MYH8: variants seen among roughly 807,000 people sequenced by gnomAD.
MYH8 encodes myosin heavy chain 8, also known as myosin-8.
In MYH8, 168 loss-of-function variants were observed where a neutral mutation model predicts 233.2. That is an observed-to-expected ratio of 0.72 (90% CI 0.64 to 0.82). MYH8 has a LOEUF of 0.82. Ranked by LOEUF, MYH8 falls within the 40% of genes least tolerant of loss-of-function variation. The probability of loss-of-function intolerance (pLI) is 0.00; values close to 1 mark genes in which losing one functional copy is unlikely to be tolerated. For missense variants in MYH8, 1,995 were observed against 2,327.8 expected (o/e 0.86, Z 2.94); for synonymous variants, 785 against 850.6 (o/e 0.92, Z 1.34).
rs1430213634 is a variant in MYH8 at position 10,400,027 on chromosome 17, C to A, written c.3736-358G>T. Among the ~76,000 whole-genome samples the A allele has an allele frequency of 6.6e-6, 1 of 152,124 alleles. No homozygotes were observed. The highest frequency in any genetic ancestry group is 1.5e-5 in the Non-Finnish European group (1 of 68,018). ...GAGCATCCTGGCTAACACGGTGAAA[C>A]CCCGTCTCTACTAAAAATACAAAAA... On this transcript the variant is annotated intron_variant, in intron 27 of 39. Transcript: ENST00000403437. The surrounding 1 kb of genome is among the most constrained non-coding windows in gnomAD (Gnocchi z 4.0).
chr17:10,406,443 A>G (rs777152849), intron 19 of MYH8, 46 bp from the exon 20 acceptor site: 1 of 1,612,708 alleles, frequency 6.2e-7, no homozygotes, highest in Non-Finnish European at 8.5e-7. Flanking sequence ...ATGTGACCAC[A>G]TGCCAACAAA....
Position 10,401,140 on chromosome 17 carries a change from C to A in MYH8, c.3160G>T (p.Ala1054Ser). 1 of 1,614,146 alleles carries A rather than the reference C, an allele frequency of 6.2e-7. No homozygotes were observed. The highest frequency in any genetic ancestry group is 8.5e-7 in the Non-Finnish European group (1 of 1,180,014). The change falls in exon 25 of 40, where the codon GCA becomes TCA. Residue 1054 changes from alanine (A) to serine (S), a missense_variant. Physicochemically the swap from Ala to Ser is moderately conservative, Grantham distance 99. Coordinates refer to ENST00000403437, the MANE Select transcript of MYH8 (RefSeq NM_002472.3). ...EKKLRMDLER[A>S]KRKLEGDLKL... ...AGGTCACCCTCCAGTTTCCGCTTTG[C>A]TCTTTCTAGATCCATTCGAAGCTTC...
rs914309209 is a variant in MYH8, at chr17:10,396,209, A to G, written c.4653+121T>C. 4 of 1,176,882 alleles carry G rather than the reference A, an allele frequency of 3.4e-6. No individual in the cohort carries two copies. The highest frequency in any genetic ancestry group is 4.2e-5 in the Admixed American group (2 of 47,342). 72.9% of individuals were successfully genotyped at this position (1,176,882 alleles called of 1,614,324 possible). A position where few individuals can be genotyped will look rare whatever the true frequency, so the allele number is the denominator to read the frequency against. The stretch of plus-strand genomic sequence containing the variant: ...AGTATTTACATTTTTAAGGATTTTG[A>G]TAACTATTGCCAAGTTGTCCTTCAT... On this transcript the variant is annotated intron_variant, in intron 33 of 39. Transcript: ENST00000403437. This position sits in a 1 kb window ranked among gnomAD's most constrained non-coding sequence, Gnocchi z 4.2.
Position 10,404,395 on chromosome 17 carries a change from C to T in MYH8, c.2623G>A (p.Glu875Lys), listed in dbSNP as rs376614320. The change falls in exon 22 of 40, where the codon GAG becomes AAG. Residue 875 changes from glutamate to lysine, a missense_variant. Around this residue, in one of 3 missense-constraint regions of MYH8, gnomAD observed 1,498 missense variants for 1,680.9 expected, o/e 0.89. Coordinates refer to ENST00000403437, the MANE Select transcript of MYH8 (RefSeq NM_002472.3). ...ELAKSEAKRK[E>K]LEEKMVTLLK... is the part of the protein sequence containing the mutation. ...AGAGTGACCATTTTTTCCTCTAGCT[C>T]CTTCCGTTTTGCCTCTGACTTGGCG... 81 of 1,613,664 alleles carry T rather than the reference C, an allele frequency of 5.0e-5. No individual in the cohort carries two copies. The highest frequency in any genetic ancestry group is 6.2e-5 in the Non-Finnish European group (73 of 1,179,880).
intron 27 of MYH8, 110 bp from the exon 28 acceptor site, chr17:10,399,779 A>G: frequency 6.8e-7 from 1 of 1,471,894 alleles, no homozygotes; most frequent in South Asian, 1.2e-5. Context: ...GTGTGAGTAG[A>G]AAGTTAGGAC....
chr17:10,414,486 T>C lies in MYH8; in HGVS notation c.806-2A>G, dbSNP rs748711858. The C allele has an allele frequency of 6.3e-7, 1 of 1,586,904 alleles. No individual in the cohort carries two copies. On this transcript the variant is annotated splice_acceptor_variant, in intron 9 of 39. Coordinates refer to ENST00000403437, the MANE Select transcript of MYH8 (RefSeq NM_002472.3). LOFTEE classifies it high-confidence loss of function. ...TAACTCTGGACTTTTCTAAAAGATC[T>C]GGAGAGGGAAATAGATATCGAGTTT...
rs554889827 is a variant in MYH8 at position 10,406,595 on chromosome 17, T to G, written c.2171+95A>C. 10 of 1,359,082 alleles carry G rather than the reference T, an allele frequency of 7.4e-6. No individual in the cohort carries two copies. In the African/African-American group the frequency reaches 1.4e-4, roughly 19 times the overall value. 84.2% of individuals were successfully genotyped at this position (1,359,082 alleles called of 1,614,324 possible). A position where few individuals can be genotyped will look rare whatever the true frequency, so the allele number is the denominator to read the frequency against. On this transcript the variant is annotated intron_variant, in intron 19 of 39. Transcript: ENST00000403437. ...CCTGTTATCCTTCTAACCTGTTGTA[T>G]TATCCTACCACCACAAGACTATATT...
chr17:10,403,872 C>T (rs1439413328), intron 22 of MYH8, among the ~76,000 whole-genome samples: 5 of 152,102 alleles, frequency 3.3e-5, no homozygotes, highest in Non-Finnish European at 7.4e-5. Context: ...GCCTGACATG[C>T]TGGTAGTTCA....
In MYH8 at chr17:10,409,508, A is replaced by C. The variant is rs762049118; in HGVS notation, c.1668T>G (p.Tyr556Ter). 6.2e-7 allele frequency: 1 copy of C among 1,614,228 alleles called. No homozygotes were observed. Among genetic ancestry groups the C allele is most frequent in the South Asian group, 1.1e-5 (1 of 91,082 alleles). ...TGGCAGACTTGCCCAGGTGCTGGTC[A>C]TACAGCTTGTTCTTGAAGGAGGTGT... ...ATDTSFKNKLYDQHLGKSANF... is the reference protein window; with the variant it reads ...ATDTSFKNKL The change falls in exon 16 of 40, where the codon TAT becomes TAG. Residue 556 changes from tyrosine to a stop codon, truncating the protein, a stop_gained. Coordinates refer to ENST00000403437, the MANE Select transcript of MYH8 (RefSeq NM_002472.3). LOFTEE classifies it high-confidence loss of function.
chr17:10,393,116 G>A lies in MYH8; in HGVS notation c.5261C>T (p.Ala1754Val). ...VEEVIQESRN[A>V]EEKAKKAITD... ...GATGGCCTTCTTGGCTTTCTCTTCT[G>A]CATTGCGTGATTCTTGGATTACTTC... The change falls in exon 36 of 40, where the codon GCA (alanine) becomes GTA (valine). Residue 1754 changes from alanine (A) to valine (V), a missense_variant. Ala to Val is a moderately conservative substitution (Grantham distance 64, BLOSUM62 0). Coordinates refer to ENST00000403437, the MANE Select transcript of MYH8 (RefSeq NM_002472.3). 2.5e-6 allele frequency: 4 copies of A among 1,614,192 alleles called. No homozygotes were observed. The highest frequency in any genetic ancestry group is 3.4e-6 in the Non-Finnish European group (4 of 1,180,040).
rs775743596 is a variant in MYH8, at chr17:10,412,424, C to T, written c.1362G>A (p.Gln454=). Residue 454 remains glutamine, a synonymous_variant, in exon 14 of 40, where the codon CAG becomes CAA. Transcript: ENST00000403437. Reference sequence around the variant, plus strand: ...AGACCCCGATGAAGTACTGCCTGGGCTGCTTGGTGTCCAGCTGCTGGTTGA... The same window carrying T: ...AGACCCCGATGAAGTACTGCCTGGGTTGCTTGGTGTCCAGCTGCTGGTTGA... ...TRINQQLDTK[Q]PRQYFIGVLD... is the part of the protein sequence containing the mutation. The T allele has an allele frequency of 1.4e-5, 22 of 1,614,242 alleles. No homozygotes were observed. The South Asian group carries it at 2.0e-4, about 14-fold the overall frequency.
rs1352319974 is a variant in MYH8 at position 10,406,634 on chromosome 17, AT to A, written c.2171+55del. 3.3e-6 allele frequency: 5 copies of A among 1,513,896 alleles called. No individual in the cohort carries two copies. The African/African-American group carries it at 6.9e-5, about 21-fold the overall frequency. The allele number at this position is 1,513,896 out of a possible 1,614,324, so 93.8% of individuals were successfully genotyped here. A position where few individuals can be genotyped will look rare whatever the true frequency, so the allele number is the denominator to read the frequency against. On this transcript the variant is annotated intron_variant, in intron 19 of 39. Coordinates refer to ENST00000403437, the MANE Select transcript of MYH8 (RefSeq NM_002472.3). ...CAAGACTATATTATTCGACTTCTTAATTTTTTAATACATACTAATTCACAGT... is the reference window on the plus strand; with the variant it reads ...CAAGACTATATTATTCGACTTCTTAATTTTTAATACATACTAATTCACAGT...
rs2142175383 is a variant in MYH8 at position 10,401,115 on chromosome 17, A to C, written c.3185T>G (p.Leu1062Arg). 1 of 1,614,124 alleles carries C rather than the reference A, an allele frequency of 6.2e-7. No homozygotes were observed. The highest frequency in any genetic ancestry group is 8.5e-7 in the Non-Finnish European group (1 of 1,180,020). Residue 1062 changes from leucine (L) to arginine (R), a missense_variant, in exon 25 of 40, where the codon CTC becomes CGC. Coordinates refer to ENST00000403437, the MANE Select transcript of MYH8 (RefSeq NM_002472.3). ...ERAKRKLEGD[L>R]KLAQESTMDM... ...CATTGTGGATTCTTGGGCCAATTTG[A>C]GGTCACCCTCCAGTTTCCGCTTTGC...
At chr17:10,399,836 G>C (rs2072119287) in intron 27 of MYH8, among the ~76,000 whole-genome samples, 167 bp from the exon 28 acceptor site, 1 of 152,226 alleles carries the variant, frequency 6.6e-6, no homozygotes, top group South Asian at 2.1e-4. Flanking sequence ...CGAGTGCATA[G>C]TGTGCCTAAA....
chr17:10,405,383 T>C (rs911563269), intron 21 of MYH8, among the ~76,000 whole-genome samples: 2 of 152,194 alleles, frequency 1.3e-5, no homozygotes, highest in African/African-American at 4.8e-5. Flanking sequence ...CTTGTTAAAA[T>C]GGAAATTCTA....
At chr17:10,393,861 A>C (rs545990435) in intron 35 of MYH8, among the ~76,000 whole-genome samples, 1 of 152,318 alleles carries the variant, frequency 6.6e-6, no homozygotes, top group African/African-American at 2.4e-5. Context: ...AGTGCTACCA[A>C]TGAGAAACAC....
At chr17:10,402,421 A>G (rs1314979893) in intron 22 of MYH8, among the ~76,000 whole-genome samples, 1 of 152,212 alleles carries the variant, frequency 6.6e-6, no homozygotes, top group Admixed American at 6.5e-5. Context: ...TTCCATTTAC[A>G]GAATTACCCA....
At chr17:10,416,649 G>A (rs962557097) in intron 5 of MYH8, among the ~76,000 whole-genome samples, 3 of 152,072 alleles carry the variant, frequency 2.0e-5, no homozygotes, top group East Asian at 3.8e-4. Context: ...ACATCCTAAC[G>A]AGTGTAAGGT....
At chr17:10,408,010 G>A (rs952719362) in intron 17 of MYH8, among the ~76,000 whole-genome samples, 2 of 148,338 alleles carry the variant, frequency 1.3e-5, no homozygotes, top group African/African-American at 5.0e-5. Context: ...GTGCAATCTC[G>A]GTCCACTGCA....
Sources: gnomAD v4.1 joint callset for allele counts (sites outside exome capture counted in the v4.1 genomes callset) on GRCh38, gnomAD v4.1.1 for gene constraint, gnomAD v4.1.1 regional missense constraint, Gnocchi (gnomAD v3.1) non-coding constraint, MANE v1.5 for transcripts, NCBI Gene and HGNC (gene_info 2026-07-23, HGNC 2026-07-21) for gene names.